The following ADARB2 variants were observed in gnomAD, a reference collection of about 807,000 sequenced individuals.
ADARB2 encodes adenosine deaminase RNA specific B2 (inactive), also known as inactive double-stranded RNA-specific editase B2.
In ADARB2, 25 loss-of-function variants were observed where a neutral mutation model predicts 62.2. The ratio of observed to expected loss-of-function variants is 0.40; its 90% CI spans 0.29 to 0.56. The LOEUF is 0.56. Among genes scored for constraint, ADARB2 ranks in the 20% least tolerant of loss-of-function variants. The probability of loss-of-function intolerance (pLI) is 0.43; values close to 1 mark genes in which losing one functional copy is unlikely to be tolerated. For synonymous variants in ADARB2, 572 were observed against 500.8 expected (o/e 1.14, Z -1.90); for missense variants, 1,071 against 1,077.4 (o/e 0.99, Z 0.08).
chr10:1,637,910 A>G (rs1286069258), intron 1 of ADARB2, among the ~76,000 whole-genome samples: 4 of 152,196 alleles, frequency 2.6e-5, no homozygotes, highest in African/African-American at 9.7e-5. Flanking sequence ...AAAATGGAAA[A>G]GTTCTTTGTC....
At chr10:1,662,434 G>A (rs1398029248) in intron 1 of ADARB2, among the ~76,000 whole-genome samples, 6 of 152,140 alleles carry the variant, frequency 3.9e-5, no homozygotes, top group African/African-American at 7.2e-5. Flanking sequence ...CCCCCACCCA[G>A]AGCCTGACCT....
At chr10:1,675,084 G>A in intron 1 of ADARB2, 2 of 984,622 alleles carry the variant, frequency 2.0e-6, no homozygotes, top group Middle Eastern at 5.2e-4. Flanking sequence ...TTGGGTTAAG[G>A]GATGTGTGGA....
intron 1 of ADARB2, among the ~76,000 whole-genome samples, chr10:1,485,025 T>C (rs1022890656): frequency 2.0e-5 from 3 of 152,106 alleles, no homozygotes; most frequent in Non-Finnish European, 2.9e-5. Context: ...TATATAAGTA[T>C]GTAGGTGGAT....
intron 1 of ADARB2, among the ~76,000 whole-genome samples, chr10:1,500,745 G>A (rs2820624): frequency 0.16 from 25,068 of 152,168 alleles, 2,354 homozygotes; most frequent in Middle Eastern, 0.23. Flanking sequence ...GCCAATGCAA[G>A]GAAATTATTC....
intron 1 of ADARB2, among the ~76,000 whole-genome samples, chr10:1,602,350 T>C (rs539530906): frequency 2.6e-5 from 4 of 152,262 alleles, no homozygotes; most frequent in African/African-American, 9.6e-5. Context: ...CGTTGTGTTT[T>C]CCCAGCGTCT....
At chr10:1,721,506 GAC>G (rs145276170) in intron 1 of ADARB2, among the ~76,000 whole-genome samples, 3 of 152,166 alleles carry the variant, frequency 2.0e-5, no homozygotes, top group Non-Finnish European at 4.4e-5. Flanking sequence ...GGAGTGCAAA[GAC>G]ACACACACGC....
At chr10:1,548,096 G>A (rs538438060) in intron 1 of ADARB2, among the ~76,000 whole-genome samples, 13 of 152,276 alleles carry the variant, frequency 8.5e-5, no homozygotes, top group African/African-American at 2.9e-4. Context: ...GCCTCCCTAA[G>A]TGACTGACCC....
At chr10:1,268,710 G>GT (rs1417402716) in intron 4 of ADARB2, among the ~76,000 whole-genome samples, 1 of 149,496 alleles carries the variant, frequency 6.7e-6, no homozygotes, top group Non-Finnish European at 1.5e-5. Flanking sequence ...TAAAATCAGT[G>GT]TTTGTCTCTT....
At chr10:1,301,124 A>C (rs1831568720) in intron 3 of ADARB2, among the ~76,000 whole-genome samples, 1 of 152,234 alleles carries the variant, frequency 6.6e-6, no homozygotes, top group East Asian at 1.9e-4. Flanking sequence ...GGAATTACGG[A>C]ACGCTTTCTT....
intron 8 of ADARB2, among the ~76,000 whole-genome samples, chr10:1,188,613 T>G: frequency 1.6e-5 from 1 of 63,352 alleles, no homozygotes; most frequent in African/African-American, 6.6e-5. Context: ...TCTACCTTCT[T>G]GTCTTTTTTT....
intron 8 of ADARB2, among the ~76,000 whole-genome samples, chr10:1,187,302 C>T (rs1411753249): frequency 6.6e-6 from 1 of 152,246 alleles, no homozygotes; most frequent in East Asian, 1.9e-4. Context: ...CTGGGAGAGG[C>T]AGTCACTACC....
intron 2 of ADARB2, among the ~76,000 whole-genome samples, chr10:1,364,871 ATTTTTT>A (rs35539783): frequency 7.9e-6 from 1 of 127,336 alleles, no homozygotes. Context: ...CATTTTGGTA[ATTTTTT>A]TTTTTTTTTT....
intron 1 of ADARB2, among the ~76,000 whole-genome samples, chr10:1,703,074 T>C (rs1392637179): frequency 6.6e-6 from 1 of 152,172 alleles, no homozygotes. Flanking sequence ...GATAGCGAGT[T>C]GCATGGAGAA....
chr10:1,290,758 A>G lies in ADARB2; in HGVS notation c.1078-19689T>C, dbSNP rs532078627. 2.0e-5 allele frequency: 3 copies of G among 152,336 alleles called. 1 individual carries two copies. In the South Asian group the frequency reaches 6.2e-4, roughly 32 times the overall value. 9.4% of individuals were successfully genotyped at this position (152,336 alleles called of 1,614,324 possible). The stretch of plus-strand genomic sequence containing the variant: ...TTTCCTAAATCGTTAAATATCCACA[A>G]ATCTGTTTACACACATTAACGGTAG... On this transcript the variant is annotated intron_variant, in intron 3 of 9. Coordinates refer to ENST00000381312, the MANE Select transcript of ADARB2 (RefSeq NM_018702.4).
chr10:1,407,392 G>A (rs1033902515), intron 1 of ADARB2, among the ~76,000 whole-genome samples: 3 of 152,206 alleles, frequency 2.0e-5, no homozygotes, highest in Non-Finnish European at 2.9e-5. Flanking sequence ...AGGGTACAAC[G>A]GCCGGGGTGG....
At chr10:1,343,347 T>G (rs1832049763) in intron 3 of ADARB2, among the ~76,000 whole-genome samples, 1 of 152,116 alleles carries the variant, frequency 6.6e-6, no homozygotes, top group African/African-American at 2.4e-5. Context: ...TGGCTAGTAC[T>G]AAAAAGTCCA....
chr10:1,715,831 C>A (rs758369287), intron 1 of ADARB2, among the ~76,000 whole-genome samples: 2 of 152,258 alleles, frequency 1.3e-5, no homozygotes, highest in South Asian at 4.1e-4. Context: ...GCCTCCAACA[C>A]CGCTGCTCAC....
intron 1 of ADARB2, among the ~76,000 whole-genome samples, chr10:1,669,046 G>C (rs1834347692): frequency 6.6e-6 from 1 of 152,204 alleles, no homozygotes; most frequent in Non-Finnish European, 1.5e-5. Flanking sequence ...GACAACACTG[G>C]GGAATTACAA....
At chr10:1,296,157 AT>A (rs1440976245) in intron 3 of ADARB2, among the ~76,000 whole-genome samples, 1 of 152,212 alleles carries the variant, frequency 6.6e-6, no homozygotes, top group Non-Finnish European at 1.5e-5. Flanking sequence ...ACCTCTGCTT[AT>A]TGGGACCCTC....
Sources: gnomAD v4.1 joint callset for allele counts (sites outside exome capture counted in the v4.1 genomes callset) on GRCh38, gnomAD v4.1.1 for gene constraint, MANE v1.5 for transcripts, NCBI Gene and HGNC (gene_info 2026-07-23, HGNC 2026-07-21) for gene names.